COL4A6: variants seen among roughly 807,000 people sequenced by gnomAD.
The protein encoded by COL4A6 is collagen type IV alpha 6 chain.
A neutral mutation model predicts 126.7 loss-of-function variants in COL4A6; 59 were observed. The ratio of observed to expected loss-of-function variants is 0.47; its 90% CI spans 0.38 to 0.58. The LOEUF is 0.58. Among genes scored for constraint, COL4A6 ranks in the 20% least tolerant of loss-of-function variants. The pLI is 0.00. For missense variants in COL4A6, 1,285 were observed against 1,337.3 expected, an observed-to-expected ratio of 0.96 and a Z score of 0.61; for synonymous variants, 547 against 496.6, an observed-to-expected ratio of 1.10 and a Z score of -1.35.
chrX:108,211,147 C>T (rs1207256228), intron 7 of COL4A6, among the ~76,000 whole-genome samples: 2 of 111,698 alleles, frequency 1.8e-5, no homozygotes, highest in South Asian at 3.8e-4. Context: ...AGGTTCTTGT[C>T]AATTCTGGAA....
At chrX:108,229,316 A>G (rs887728215) in intron 3 of COL4A6, among the ~76,000 whole-genome samples, 3 of 112,509 alleles carry the variant, frequency 2.7e-5, no homozygotes, top group East Asian at 5.6e-4. Context: ...GACAAATGGC[A>G]TCTTCAAATT....
intron 3 of COL4A6, among the ~76,000 whole-genome samples, chrX:108,261,037 C>T (rs760064041): frequency 9.0e-6 from 1 of 110,539 alleles, no homozygotes; most frequent in Non-Finnish European, 1.9e-5. Flanking sequence ...TTTCAACTAC[C>T]TCTTTAATCA....
chrX:108,361,133 C>T (rs910490415), intron 2 of COL4A6, among the ~76,000 whole-genome samples: 1 of 111,359 alleles, frequency 9.0e-6, no homozygotes, highest in African/African-American at 3.3e-5. Context: ...TATTCTTCTG[C>T]TATCATTTTT....
intron 2 of COL4A6, among the ~76,000 whole-genome samples, chrX:108,411,004 G>A (rs184544124): frequency 1.8e-5 from 2 of 112,524 alleles, no homozygotes; most frequent in East Asian, 5.6e-4. Context: ...TCAACTCATA[G>A]GAAGAAGGCA....
chrX:108,176,313 A>C (rs1387677819), intron 28 of COL4A6, among the ~76,000 whole-genome samples: 15 of 19,857 alleles, frequency 7.6e-4, no homozygotes, highest in Non-Finnish European at 3.2e-3. Context: ...AAACTCTGTC[A>C]AAAAAAAAAA....
intron 3 of COL4A6, among the ~76,000 whole-genome samples, chrX:108,284,333 A>G (rs1475084341): frequency 9.1e-6 from 1 of 110,195 alleles, no homozygotes; most frequent in Non-Finnish European, 1.9e-5. Context: ...TGGGGGAGGG[A>G]TAGCATTAGG....
intron 4 of COL4A6, among the ~76,000 whole-genome samples, chrX:108,220,817 AAAATATG>A (rs1246704836): frequency 2.7e-5 from 3 of 112,747 alleles, no homozygotes; most frequent in Non-Finnish European, 5.6e-5. Context: ...ATCTCTTATT[AAAATATG>A]CAGCCTGGGT....
At chrX:108,431,242 T>C (rs1266875568) in intron 2 of COL4A6, among the ~76,000 whole-genome samples, 1 of 111,741 alleles carries the variant, frequency 8.9e-6, no homozygotes, top group Non-Finnish European at 1.9e-5. Context: ...ATAGCATAAA[T>C]AAAAAGATCA....
intron 3 of COL4A6, among the ~76,000 whole-genome samples, chrX:108,229,162 A>G (rs1364309911): frequency 1.8e-5 from 2 of 112,194 alleles, no homozygotes; most frequent in Non-Finnish European, 3.8e-5. Flanking sequence ...CTGGTACATT[A>G]GCATGTTTTG....
chrX:108,219,691 C>T lies in COL4A6; in HGVS notation c.324+7G>A, dbSNP rs1374013498. The T allele has an allele frequency of 8.3e-7, 1 of 1,206,444 alleles. No individual in the cohort carries two copies. The highest frequency in any genetic ancestry group is 1.8e-5 in the South Asian group (1 of 56,762). ...GATATGAAAAATTCATCTGTGGACA[C>T]ACTCACCGGAATCCCATTGATGCCA... On this transcript the variant is annotated splice_region_variant and intron_variant, in intron 5 of 44. Transcript: ENST00000334504.
chrX:108,252,778 C>G (rs1429348215), intron 3 of COL4A6, among the ~76,000 whole-genome samples: 1 of 111,409 alleles, frequency 9.0e-6, no homozygotes, highest in Non-Finnish European at 1.9e-5. Context: ...AAACAACATC[C>G]AACAGCACAT....
At chrX:108,192,336 G>A in intron 18 of COL4A6, 137 bp downstream of exon 18, 1 of 433,226 alleles carries the variant, frequency 2.3e-6, no homozygotes, top group Non-Finnish European at 4.1e-6. Context: ...TGGCAGTCGG[G>A]AACCTACTGA....
At chrX:108,161,887 G>A in intron 41 of COL4A6, 152 bp from the exon 42 acceptor site, 1 of 425,508 alleles carries the variant, frequency 2.4e-6, no homozygotes. Flanking sequence ...CATCAAGGCT[G>A]CAGCCGCCTG....
intron 3 of COL4A6, among the ~76,000 whole-genome samples, chrX:108,297,923 C>T (rs1478153248): frequency 9.1e-6 from 1 of 109,320 alleles, no homozygotes; most frequent in South Asian, 4.2e-4. Context: ...CCATCTCGTC[C>T]CCACACCTCT....
chrX:108,233,151 T>C (rs1257296046), intron 3 of COL4A6, among the ~76,000 whole-genome samples: 1 of 112,065 alleles, frequency 8.9e-6, no homozygotes, highest in Non-Finnish European at 1.9e-5. Flanking sequence ...TTTCTTTTAG[T>C]TTTTCTAGCA....
At chrX:108,432,868 A>T (rs1169662953) in intron 2 of COL4A6, among the ~76,000 whole-genome samples, 2 of 111,526 alleles carry the variant, frequency 1.8e-5, no homozygotes, top group Non-Finnish European at 3.8e-5. Flanking sequence ...AACAAAACAA[A>T]ATTAAAAAAA....
intron 3 of COL4A6, among the ~76,000 whole-genome samples, chrX:108,274,796 C>A (rs1178976160): frequency 9.0e-6 from 1 of 111,503 alleles, no homozygotes; most frequent in African/African-American, 3.3e-5. Context: ...CAGGTCCCAG[C>A]CACATGGCCC....
chrX:108,199,111 A>G (rs1266614152), intron 13 of COL4A6, among the ~76,000 whole-genome samples: 5 of 111,469 alleles, frequency 4.5e-5, no homozygotes, highest in African/African-American at 1.3e-4. Flanking sequence ...GAAAGAAGGT[A>G]AGGGGCAAAT....
intron 2 of COL4A6, among the ~76,000 whole-genome samples, chrX:108,405,841 A>T (rs993754837): frequency 9.0e-6 from 1 of 111,536 alleles, no homozygotes; most frequent in Non-Finnish European, 1.9e-5. Context: ...CTCCTCCTAA[A>T]TTTCTCCATC....
Sources: allele counts gnomAD v4.1 joint callset (sites outside exome capture counted in the v4.1 genomes callset), GRCh38; gene constraint gnomAD v4.1.1; transcripts MANE v1.5; gene names NCBI Gene and HGNC (gene_info 2026-07-23, HGNC 2026-07-21).